MYO10: variants seen among roughly 807,000 people sequenced by gnomAD.
The protein encoded by MYO10 is myosin X.
MYO10 carries 133 observed loss-of-function variants against 257.3 expected under a neutral mutation model. The observed-to-expected ratio is 0.52, with a 90% CI of 0.45 to 0.60. MYO10 has a LOEUF of 0.60. Ranked by LOEUF, MYO10 falls within the 20% of genes least tolerant of loss-of-function variation. The pLI, the probability that MYO10 is intolerant of heterozygous loss-of-function variation, is 0.00. For missense variants in MYO10, 2,399 were observed against 2,635.7 expected (o/e 0.91, Z 1.97); for synonymous variants, 1,104 against 1,028.6 (o/e 1.07, Z -1.40).
chr5:16,774,701 G>A (rs965956017), intron 9 of MYO10, among the ~76,000 whole-genome samples: 2 of 152,084 alleles, frequency 1.3e-5, no homozygotes, highest in Non-Finnish European at 2.9e-5. Flanking sequence ...GATTACAGGC[G>A]TGAGCCACCG....
At chr5:16,693,564 G>C (rs1476442634) in intron 27 of MYO10, among the ~76,000 whole-genome samples, 1 of 152,200 alleles carries the variant, frequency 6.6e-6, no homozygotes, top group Non-Finnish European at 1.5e-5. Flanking sequence ...GCGGATGCTG[G>C]CTGATTAGAA....
intron 1 of MYO10, among the ~76,000 whole-genome samples, chr5:16,895,497 C>G (rs914936661): frequency 6.6e-6 from 1 of 152,124 alleles, no homozygotes; most frequent in Non-Finnish European, 1.5e-5. Flanking sequence ...TGACACGCCC[C>G]ATCTAGACCA....
At chr5:16,897,301 G>A (rs1196269268) in intron 1 of MYO10, among the ~76,000 whole-genome samples, 5 of 87,550 alleles carry the variant, frequency 5.7e-5, no homozygotes, top group African/African-American at 9.4e-5. Flanking sequence ...TTTACACTTC[G>A]TAAAAAAAAA....
chr5:16,768,703 C>T (rs1740955608), intron 10 of MYO10, among the ~76,000 whole-genome samples: 1 of 103,998 alleles, frequency 9.6e-6, no homozygotes, highest in Admixed American at 1.5e-4. Flanking sequence ...GATACAAGAT[C>T]TCACTCTGTT....
chr5:16,672,754 G>A lies in MYO10; in HGVS notation c.5244C>T (p.Asn1748=), dbSNP rs756793570. The A allele has an allele frequency of 2.1e-5, 34 of 1,613,958 alleles. No individual in the cohort carries two copies. Among genetic ancestry groups the A allele is most frequent in the Middle Eastern group, 1.6e-4 (1 of 6,062 alleles). ...TTTCAATGGCTTTGTCGACGTGGCC[G>A]TTGTATTCAAACAAAGCAAACATGT... is the stretch of plus-strand genomic sequence containing the variant. ...SRNMFALFEY[N]GHVDKAIESR... Residue 1748 remains asparagine, a synonymous_variant, in exon 37 of 41, where the codon AAC becomes AAT. Coordinates refer to ENST00000513610, the MANE Select transcript of MYO10 (RefSeq NM_012334.3).
intron 26 of MYO10, among the ~76,000 whole-genome samples, chr5:16,696,480 A>C (rs181367113): frequency 6.6e-6 from 1 of 152,318 alleles, no homozygotes; most frequent in East Asian, 1.9e-4. Flanking sequence ...TCACCCATTT[A>C]ACTTCTTTGA....
intron 35 of MYO10, 31 bp downstream of exon 35, chr5:16,674,820 GCC>G: frequency 6.2e-7 from 1 of 1,611,108 alleles, no homozygotes; most frequent in Non-Finnish European, 8.5e-7. Flanking sequence ...AAGCAGCTCT[GCC>G]CAGCTCATCT....
At chr5:16,855,632 C>T (rs147922981) in intron 2 of MYO10, among the ~76,000 whole-genome samples, 1,848 of 152,272 alleles carry the variant, frequency 0.012, 34 homozygotes, top group Middle Eastern at 0.034. Flanking sequence ...GGCAACATTC[C>T]CTGGAGGCCT....
chr5:16,753,872 C>T (rs1385726027), intron 19 of MYO10, among the ~76,000 whole-genome samples: 1 of 152,174 alleles, frequency 6.6e-6, no homozygotes, highest in African/African-American at 2.4e-5. Flanking sequence ...TAAGATCCAG[C>T]ATCAGTCAAA....
intron 2 of MYO10, among the ~76,000 whole-genome samples, chr5:16,818,513 C>T (rs1163653313): frequency 6.6e-6 from 1 of 151,436 alleles, no homozygotes; most frequent in East Asian, 1.9e-4. Context: ...TACAGCTCAC[C>T]GCAGCCTCCA....
intron 2 of MYO10, among the ~76,000 whole-genome samples, chr5:16,863,198 CA>C (rs1561024645): frequency 6.6e-6 from 1 of 152,198 alleles, no homozygotes; most frequent in African/African-American, 2.4e-5. Context: ...CTCTCCCTTG[CA>C]AAATATTTAA....
At chr5:16,679,524 G>GTTTTTTGGGTGTTTTTTTTTTT (rs1736885422) in intron 33 of MYO10, among the ~76,000 whole-genome samples, 1 of 122,672 alleles carries the variant, frequency 8.2e-6, no homozygotes, top group African/African-American at 3.2e-5. Flanking sequence ...TTTTTTGGGT[G>GTTTTTTGGGTGTTTTTTTTTTT]TTTTTTTTTT....
intron 40 of MYO10, 23 bp downstream of exon 40, chr5:16,668,254 G>C (rs1431132689): frequency 1.3e-6 from 2 of 1,584,160 alleles, no homozygotes; most frequent in African/African-American, 1.4e-5. Flanking sequence ...TGAATAAAAA[G>C]ATGAACTTGC....
chr5:16,875,096 C>T (rs1290593190), intron 2 of MYO10, among the ~76,000 whole-genome samples: 1 of 152,138 alleles, frequency 6.6e-6, no homozygotes, highest in African/African-American at 2.4e-5. Context: ...CCCCCTGGGT[C>T]CCTCCCACAA....
chr5:16,741,787 A>G, intron 19 of MYO10: 1 of 984,732 alleles, frequency 1.0e-6, no homozygotes, highest in South Asian at 4.7e-5. Flanking sequence ...CAGAACAAGA[A>G]AGAGAAAAAT....
chr5:16,927,838 T>A (rs1746178518), intron 1 of MYO10, among the ~76,000 whole-genome samples: 1 of 152,226 alleles, frequency 6.6e-6, no homozygotes, highest in Non-Finnish European at 1.5e-5. Context: ...TGACATGATG[T>A]CATGTGACAT....
chr5:16,795,471 A>G (rs1741911923), intron 3 of MYO10, among the ~76,000 whole-genome samples: 1 of 151,992 alleles, frequency 6.6e-6, no homozygotes, highest in South Asian at 2.1e-4. Context: ...AGGCATGGTG[A>G]TGCCTGCCTG....
rs372494116 is a variant in MYO10, at chr5:16,718,597, G to A, written c.1930-7352C>T. Among the ~76,000 whole-genome samples, 478 of 150,806 alleles carry A rather than the reference G, an allele frequency of 3.2e-3. 2 individuals carry two copies. Among genetic ancestry groups the A allele is most frequent in the African/African-American group, 0.01 (426 of 40,904 alleles). On this transcript the variant is annotated intron_variant, in intron 19 of 40. Transcript: ENST00000513610. ...CTCAGGGACTGTAAACACACCAATCGGCACTCTGTATCTAGCTCAAGGTTT... is the reference window on the plus strand; with the variant it reads ...CTCAGGGACTGTAAACACACCAATCAGCACTCTGTATCTAGCTCAAGGTTT...
At chr5:16,755,101 AAATT>A (rs1740490409) in intron 18 of MYO10, among the ~76,000 whole-genome samples, 193 bp from the exon 19 acceptor site, 1 of 152,254 alleles carries the variant, frequency 6.6e-6, no homozygotes, top group Admixed American at 6.5e-5. Flanking sequence ...TTAATAATTG[AAATT>A]ATTCGATAAT....
Sources: gnomAD v4.1 joint callset for allele counts (sites outside exome capture counted in the v4.1 genomes callset) on GRCh38, gnomAD v4.1.1 for gene constraint, MANE v1.5 for transcripts, NCBI Gene and HGNC (gene_info 2026-07-23, HGNC 2026-07-21) for gene names.